FAM120B: variants seen among roughly 807,000 people sequenced by gnomAD.
FAM120B encodes the protein constitutive coactivator of peroxisome proliferator-activated receptor gamma.
Under a neutral mutation model 96.3 loss-of-function variants are expected in FAM120B, and 83 were observed. That is an observed-to-expected ratio of 0.86 (90% CI 0.72 to 1.03). The LOEUF (loss-of-function observed/expected upper bound fraction) is 1.03, where lower values mean the gene tolerates loss of function less well. Among genes scored for constraint, FAM120B ranks in the 50% least tolerant of loss-of-function variants. The pLI is 0.00. For missense variants in FAM120B, 1,027 were observed against 1,121.2 expected, an observed-to-expected ratio of 0.92 and a Z score of 1.20; for synonymous variants, 407 against 402.7, an observed-to-expected ratio of 1.01 and a Z score of -0.13.
chr6:170,331,206 C>G (rs1337858531), intron 4 of FAM120B, among the ~76,000 whole-genome samples: 1 of 152,142 alleles, frequency 6.6e-6, no homozygotes, highest in Non-Finnish European at 1.5e-5. Context: ...GGGTAGGGTT[C>G]TACACACAAA....
In FAM120B at chr6:170,404,920, G is replaced by A. The variant is rs1167309736; in HGVS notation, c.*169G>A. 11 of 303,124 alleles carry A rather than the reference G, an allele frequency of 3.6e-5. No individual in the cohort carries two copies. Among genetic ancestry groups the A allele is most frequent in the Non-Finnish European group, 6.1e-5 (10 of 163,940 alleles). 18.8% of individuals were successfully genotyped at this position (303,124 alleles called of 1,614,324 possible). Reference sequence around the variant, plus strand: ...TTTTCAATGGTGTCTCCCTCCCATTGTGCAGAAGAGCTTTTGTTGGCTTCT... The same window carrying A: ...TTTTCAATGGTGTCTCCCTCCCATTATGCAGAAGAGCTTTTGTTGGCTTCT... On this transcript the variant is annotated 3_prime_UTR_variant, in exon 11 of 11. Coordinates refer to ENST00000476287, the MANE Select transcript of FAM120B (RefSeq NM_032448.3).
rs1788109621 is a variant in FAM120B at position 170,358,332 on chromosome 6, C to A, written c.2283+14C>A. ...GTAAATCTACAGGTACAGACGTGAC[C>A]AGTTAGTTGTCACTGCCCGGAAGAC... is the stretch of plus-strand genomic sequence containing the variant. On this transcript the variant is annotated intron_variant, in intron 6 of 10. Transcript: ENST00000476287. 4 of 1,570,756 alleles carry A rather than the reference C, an allele frequency of 2.5e-6. No homozygotes were observed. Among genetic ancestry groups the A allele is most frequent in the South Asian group, 2.3e-5 (2 of 88,490 alleles).
At chr6:170,378,023 G>A (rs914147464) in intron 6 of FAM120B, among the ~76,000 whole-genome samples, 10 of 152,202 alleles carry the variant, frequency 6.6e-5, no homozygotes, top group African/African-American at 2.4e-4. Context: ...GAGTCAGTCA[G>A]CCCTTTCAAG....
intron 4 of FAM120B, among the ~76,000 whole-genome samples, chr6:170,334,774 C>T (rs78669408): frequency 0.065 from 9,909 of 152,210 alleles, 1,203 homozygotes; most frequent in East Asian, 0.57. Flanking sequence ...ATTAGAGTCA[C>T]AAGGGTTAAA....
rs1783978345 is a variant in FAM120B at position 170,295,542 on chromosome 6, A to T, written c.48+89A>T. On this transcript the variant is annotated intron_variant, in intron 1 of 10. Transcript: ENST00000537664. This position sits in a 1 kb window ranked among gnomAD's most constrained non-coding sequence, Gnocchi z 7.8. ...CAGGAGCGCGACCCCCGGCGCGGGCAGCTCTGCGCGAAGGTGGGCGACGGT... is the reference window on the plus strand; with the variant it reads ...CAGGAGCGCGACCCCCGGCGCGGGCTGCTCTGCGCGAAGGTGGGCGACGGT... 1.6e-6 allele frequency: 1 copy of T among 610,864 alleles called. No homozygotes were observed. The highest frequency in any genetic ancestry group is 3.0e-5 in the East Asian group (1 of 33,618). 37.8% of individuals were successfully genotyped at this position (610,864 alleles called of 1,614,324 possible).
chr6:170,333,504 C>A (rs1399488915), intron 4 of FAM120B, among the ~76,000 whole-genome samples: 1 of 150,684 alleles, frequency 6.6e-6, no homozygotes, highest in East Asian at 1.9e-4. Flanking sequence ...GCATATATTT[C>A]TGTGAGCCTC....
intron 9 of FAM120B, among the ~76,000 whole-genome samples, chr6:170,398,307 G>A (rs910386339): frequency 3.3e-5 from 5 of 152,244 alleles, no homozygotes; most frequent in African/African-American, 7.2e-5. Flanking sequence ...GTAACTCTTA[G>A]GAGTCAATAA....
At chr6:170,293,255 G>C (rs1783925414), upstream of FAM120B, among the ~76,000 whole-genome samples, 1 of 152,136 alleles carries the variant, frequency 6.6e-6, no homozygotes, top group South Asian at 2.1e-4. Context: ...TGCGAGGTCA[G>C]AATCCAGAAT....
rs1277355926 is a variant in FAM120B, at chr6:170,361,192, ATACGTG to A, written c.2283+2877_2283+2882del. 1.8e-3 allele frequency among the ~76,000 whole-genome samples: 149 copies of A among 83,298 alleles called. 1 individual carries two copies. Among genetic ancestry groups the A allele is most frequent in the African/African-American group, 2.4e-3 (47 of 19,452 alleles). The allele number at this position is 83,298 out of a possible 152,430, so 54.6% of individuals were successfully genotyped here. A position where few individuals can be genotyped will look rare whatever the true frequency, so the allele number is the denominator to read the frequency against. On this transcript the variant is annotated intron_variant, in intron 6 of 10. Coordinates refer to ENST00000476287, the MANE Select transcript of FAM120B (RefSeq NM_032448.3). ...AATATAGCCTTAAAACTATATATAT[ATACGTG>A]TATATATATATATATATATATATAT...
chr6:170,295,881 G>C lies in FAM120B; in HGVS notation c.48+428G>C, dbSNP rs546269808. ...CCGGGGCCGAGGCCAGGCCCGCTGCGAGCAGCGGAGGCATGTGCTGATTTG... is the reference window on the plus strand; with the variant it reads ...CCGGGGCCGAGGCCAGGCCCGCTGCCAGCAGCGGAGGCATGTGCTGATTTG... On this transcript the variant is annotated intron_variant, in intron 1 of 10. Coordinates refer to the FAM120B transcript ENST00000537664. This position sits in a 1 kb window ranked among gnomAD's most constrained non-coding sequence, Gnocchi z 7.8. Among the ~76,000 whole-genome samples the C allele has an allele frequency of 6.6e-6, 1 of 152,068 alleles. No homozygotes were observed. Among genetic ancestry groups the C allele is most frequent in the African/African-American group, 2.4e-5 (1 of 41,432 alleles).
chr6:170,317,797 G>A lies in FAM120B; in HGVS notation c.407G>A (p.Gly136Glu), dbSNP rs1423734434. 1 of 1,614,148 alleles carries A rather than the reference G, an allele frequency of 6.2e-7. No individual in the cohort carries two copies. Residue 136 changes from glycine to glutamate, a missense_variant, in exon 2 of 11, where the codon GGG becomes GAG. By Grantham distance (98) the Gly-to-Glu change is moderately conservative (BLOSUM62 -2). Around this residue, in one of 3 missense-constraint regions of FAM120B, gnomAD observed 880 missense variants for 980.9 expected, o/e 0.90. Transcript: ENST00000476287. ...PGRNMFFIPS[G>E]LAVFTRFALK... is the part of the protein sequence containing the mutation. ...AGAAATATGTTCTTCATCCCCTCAG[G>A]GCTAGCTGTGTTTACACGATTTGCT...
chr6:170,365,860 G>A (rs1788757010), intron 6 of FAM120B, among the ~76,000 whole-genome samples: 1 of 152,146 alleles, frequency 6.6e-6, no homozygotes, highest in South Asian at 2.1e-4. Context: ...TGCAAAGCCT[G>A]GCCAGTTGGT....
At chr6:170,334,954 T>A (rs569602907) in intron 4 of FAM120B, among the ~76,000 whole-genome samples, 4 of 152,194 alleles carry the variant, frequency 2.6e-5, no homozygotes, top group Non-Finnish European at 5.9e-5. Flanking sequence ...ATGAATGAAT[T>A]TTTTTGCTTA....
At chr6:170,386,476 G>A (rs541555767) in intron 6 of FAM120B, among the ~76,000 whole-genome samples, 2 of 152,262 alleles carry the variant, frequency 1.3e-5, no homozygotes, top group South Asian at 2.1e-4. Flanking sequence ...AGTAAAATGC[G>A]TGCCATGAAA....
At chr6:170,293,731 C>T (rs558658115), upstream of FAM120B, among the ~76,000 whole-genome samples, 3 of 151,766 alleles carry the variant, frequency 2.0e-5, no homozygotes, top group East Asian at 5.8e-4. Flanking sequence ...TCTTCCTTCT[C>T]CTCCTTCTTC....
chr6:170,343,996 G>A (rs1787008799), intron 4 of FAM120B, among the ~76,000 whole-genome samples: 1 of 150,880 alleles, frequency 6.6e-6, no homozygotes, highest in African/African-American at 2.5e-5. Flanking sequence ...AAGAACGGAT[G>A]AAATCGTTCA....
At chr6:170,297,537 T>C (rs1415961189) in intron 1 of FAM120B, among the ~76,000 whole-genome samples, 1 of 152,200 alleles carries the variant, frequency 6.6e-6, no homozygotes, top group East Asian at 1.9e-4. Flanking sequence ...AATCCTTAAA[T>C]CGGCTCCCAA....
upstream of FAM120B, among the ~76,000 whole-genome samples, chr6:170,292,068 C>T (rs572270427): frequency 2.6e-5 from 4 of 152,268 alleles, no homozygotes; most frequent in South Asian, 2.1e-4. This position sits in a 1 kb window ranked among gnomAD's most constrained non-coding sequence, Gnocchi z 6.6. Flanking sequence ...GCACCTGCTC[C>T]CCGCACAATG....
intron 6 of FAM120B, among the ~76,000 whole-genome samples, chr6:170,361,221 T>TATATATATATATATATACAC (rs1788398810): frequency 1.0e-5 from 1 of 96,824 alleles, no homozygotes; most frequent in African/African-American, 3.7e-5. Context: ...TATATATATA[T>TATATATATATATATATACAC]ATATATATAT....
Sources: gnomAD v4.1 joint callset for allele counts (sites outside exome capture counted in the v4.1 genomes callset) on GRCh38, gnomAD v4.1.1 for gene constraint, gnomAD v4.1.1 regional missense constraint, Gnocchi (gnomAD v3.1) non-coding constraint, MANE v1.5 for transcripts, NCBI Gene and HGNC (gene_info 2026-07-23, HGNC 2026-07-21) for gene names.